Variants in MYOF observed in about 807,000 individuals in gnomAD.
The protein encoded by MYOF is myoferlin.
Under a neutral mutation model 284.2 loss-of-function variants are expected in MYOF, and 244 were observed. That is an observed-to-expected ratio of 0.86 (90% CI 0.77 to 0.95). The LOEUF (loss-of-function observed/expected upper bound fraction) is 0.95. Among genes scored for constraint, MYOF ranks in the 40% least tolerant of loss-of-function variants. The pLI, the probability that MYOF is intolerant of heterozygous loss-of-function variation, is 0.00. For missense variants in MYOF, 2,496 were observed against 2,560.6 expected, an observed-to-expected ratio of 0.97 and a Z score of 0.54; for synonymous variants, 904 against 919.7, an observed-to-expected ratio of 0.98 and a Z score of 0.31.
chr10:93,367,757 A>C (rs1845391798), intron 25 of MYOF, among the ~76,000 whole-genome samples: 1 of 152,002 alleles, frequency 6.6e-6, no homozygotes, highest in African/African-American at 2.4e-5. Flanking sequence ...GGACAGTAAG[A>C]AAAAAGTATT....
At position 93,310,001 on chromosome 10, in the gene MYOF, G is replaced by A. The variant is rs1246886048; in HGVS notation, c.6147+19C>T. On this transcript the variant is annotated intron_variant, in intron 53 of 53. Transcript: ENST00000359263. Reference sequence around the variant, plus strand: ...ACTCACAAGAAAGCCAAGACAAGGGGCCAAGGAAGGGCTCCTACCGGCAAA... The same window carrying A: ...ACTCACAAGAAAGCCAAGACAAGGGACCAAGGAAGGGCTCCTACCGGCAAA... 6.2e-7 allele frequency: 1 copy of A among 1,613,748 alleles called. No individual in the cohort carries two copies. The highest frequency in any genetic ancestry group is 1.3e-5 in the African/African-American group (1 of 74,900).
chr10:93,339,720 CA>C (rs1413273976), intron 39 of MYOF, among the ~76,000 whole-genome samples: 2 of 151,924 alleles, frequency 1.3e-5, no homozygotes, highest in Non-Finnish European at 2.9e-5. Context: ...CTGCCTGCTT[CA>C]GCCTCCCAAA....
At chr10:93,345,930 C>T (rs1054582508) in intron 37 of MYOF, among the ~76,000 whole-genome samples, 2 of 152,254 alleles carry the variant, frequency 1.3e-5, no homozygotes, top group Middle Eastern at 3.4e-3. Context: ...AACAGGTCCA[C>T]GTAAGTGATT....
chr10:93,369,110 C>CTTTTTTTT (rs66923086), intron 25 of MYOF, among the ~76,000 whole-genome samples: 1,063 of 78,266 alleles, frequency 0.014, 183 homozygotes, highest in African/African-American at 0.049. Flanking sequence ...ATTCAGACAG[C>CTTTTTTTT]TTTTTTTTTT....
chr10:93,408,393 C>T (rs1847722602), intron 7 of MYOF, among the ~76,000 whole-genome samples: 1 of 151,948 alleles, frequency 6.6e-6, no homozygotes, highest in Non-Finnish European at 1.5e-5. Flanking sequence ...TAAAATTAGC[C>T]AGGTGTGGTG....
In MYOF at chr10:93,349,947, T is replaced by G; in HGVS notation, c.3944A>C (p.Asn1315Thr). The G allele has an allele frequency of 6.2e-7, 1 of 1,614,138 alleles. No individual in the cohort carries two copies. Among genetic ancestry groups the G allele is most frequent in the Non-Finnish European group, 8.5e-7 (1 of 1,180,018 alleles). The change falls in exon 36 of 54, where the codon AAT becomes ACT. Residue 1315 changes from asparagine to threonine, a missense_variant. This residue lies in a region of MYOF where 2,436 missense variants were observed against 2,480.7 expected (regional missense o/e 0.98). Coordinates refer to ENST00000359263, the MANE Select transcript of MYOF (RefSeq NM_013451.4). Reference protein sequence around the residue: ...AIEILAWGLRNMKNFQMASIT... With the variant: ...AIEILAWGLRTMKNFQMASIT... ...AGAAGCCATCTGGAAGTTTTTCATA[T>G]TTCTTAAGCCCCAAGCTAGAATCTA...
chr10:93,440,520 C>T (rs1474122771), intron 3 of MYOF, among the ~76,000 whole-genome samples: 9 of 152,174 alleles, frequency 5.9e-5, no homozygotes, highest in Admixed American at 2.0e-4. Flanking sequence ...TTATTTTCTT[C>T]GTATCACTTA....
At chr10:93,380,396 GTTC>G (rs1564666581) in intron 20 of MYOF, among the ~76,000 whole-genome samples, 1 of 152,186 alleles carries the variant, frequency 6.6e-6, no homozygotes, top group East Asian at 1.9e-4. Flanking sequence ...AGAATTTTCT[GTTC>G]TTGGAAAGCT....
At chr10:93,359,768 G>C in intron 29 of MYOF, 65 bp downstream of exon 29, 1 of 1,595,230 alleles carries the variant, frequency 6.3e-7, no homozygotes, top group Non-Finnish European at 8.6e-7. Flanking sequence ...TGGCTAGTTA[G>C]CTGGGACTTT....
intron 18 of MYOF, among the ~76,000 whole-genome samples, chr10:93,388,482 A>G (rs1312134882): frequency 1.3e-5 from 2 of 152,156 alleles, no homozygotes; most frequent in African/African-American, 4.8e-5. Context: ...CTGGCAATAG[A>G]ACCTTCTGGA....
rs1847282296 is a variant in MYOF, at chr10:93,401,317, A to G, written c.1117+101T>C. 1.9e-5 allele frequency: 28 copies of G among 1,486,416 alleles called. 1 individual carries two copies. In the South Asian group the frequency reaches 3.7e-4, roughly 20 times the overall value. The allele number at this position is 1,486,416 out of a possible 1,614,324, so 92.1% of individuals were successfully genotyped here. A position where few individuals can be genotyped will look rare whatever the true frequency, so the allele number is the denominator to read the frequency against. ...CCCATGAAGCCCTTTCAGAAGAAAA[A>G]CATACGATAGGGACACGAATCACTA... On this transcript the variant is annotated intron_variant, in intron 12 of 53. Transcript: ENST00000359263.
At chr10:93,322,498 A>ATCGAGGCATATGT (rs1842886332) in intron 48 of MYOF, among the ~76,000 whole-genome samples, 1 of 152,236 alleles carries the variant, frequency 6.6e-6, no homozygotes, top group Admixed American at 6.5e-5. Context: ...GAGGCATATG[A>ATCGAGGCATATGT]TCAAGGCATA....
intron 16 of MYOF, among the ~76,000 whole-genome samples, chr10:93,395,247 A>G (rs1430036309): frequency 6.6e-6 from 1 of 152,208 alleles, no homozygotes; most frequent in African/African-American, 2.4e-5. Context: ...GATGGAGACC[A>G]TCCTGGCCAA....
At chr10:93,367,329 A>G (rs1186888135) in intron 25 of MYOF, among the ~76,000 whole-genome samples, 3 of 152,208 alleles carry the variant, frequency 2.0e-5, no homozygotes, top group African/African-American at 4.8e-5. Context: ...TTTGGATCCA[A>G]ACTAGAATTT....
At position 93,382,875 on chromosome 10, in the gene MYOF, G is replaced by T. The variant is rs139941158; in HGVS notation, c.1699-1479C>A. ...CCAGTCTCTGCGTTCAATTATTTTG[G>T]GTATATACCCAGAAGTGGAATTTTT... On this transcript the variant is annotated intron_variant, in intron 19 of 53. Transcript: ENST00000359263. 1.9e-3 allele frequency among the ~76,000 whole-genome samples: 284 copies of T among 152,132 alleles called. 1 individual carries two copies. The highest frequency in any genetic ancestry group is 6.6e-3 in the African/African-American group (273 of 41,512).
intron 5 of MYOF, among the ~76,000 whole-genome samples, chr10:93,425,186 C>T (rs183811377): frequency 6.6e-6 from 1 of 152,090 alleles, no homozygotes; most frequent in South Asian, 2.1e-4. Flanking sequence ...GGTGATTCAC[C>T]TGCCTTGGCC....
At chr10:93,336,890 GGAAGGAAAGAGAAGA>G (rs1843634340) in intron 40 of MYOF, among the ~76,000 whole-genome samples, 1 of 146,654 alleles carries the variant, frequency 6.8e-6, no homozygotes, top group Non-Finnish European at 1.5e-5. Context: ...AGAGAAGAAA[GGAAGGAAAGAGAAGA>G]AAGGAAGGAA....
chr10:93,386,410 T>C (rs755019144), intron 19 of MYOF, among the ~76,000 whole-genome samples: 1 of 152,208 alleles, frequency 6.6e-6, no homozygotes, highest in Non-Finnish European at 1.5e-5. Context: ...CGTGTCTCTT[T>C]AGTAAAAAAA....
intron 3 of MYOF, 87 bp downstream of exon 3, chr10:93,451,963 C>G (rs12248486): frequency 1.1e-6 from 1 of 947,296 alleles, no homozygotes; most frequent in South Asian, 1.4e-5. Context: ...TATTATAATA[C>G]GTTATTAAAG....
Sources: allele counts gnomAD v4.1 joint callset (sites outside exome capture counted in the v4.1 genomes callset), GRCh38; gene constraint gnomAD v4.1.1; regional missense constraint gnomAD v4.1.1; transcripts MANE v1.5; gene names NCBI Gene and HGNC (gene_info 2026-07-23, HGNC 2026-07-21).